The following FSIP2 variants were observed in gnomAD, a reference collection of about 807,000 sequenced individuals.
FSIP2 encodes the protein fibrous sheath interacting protein 2, also known as fibrous sheath-interacting protein 2.
In FSIP2, 367 loss-of-function variants were observed where a neutral mutation model predicts 510.5. That is an observed-to-expected ratio of 0.72 (90% CI 0.66 to 0.78). The LOEUF is 0.78. Among genes scored for constraint, FSIP2 ranks in the 30% least tolerant of loss-of-function variants. The pLI is 0.00. For missense variants in FSIP2, 7,594 were observed against 7,901.7 expected, an observed-to-expected ratio of 0.96 and a Z score of 1.48; for synonymous variants, 2,601 against 2,732.2, an observed-to-expected ratio of 0.95 and a Z score of 1.50.
intron 20 of FSIP2, 101 bp from the exon 21 acceptor site, chr2:185,828,055 G>T (rs1694046126): frequency 1.4e-6 from 1 of 715,560 alleles, no homozygotes; most frequent in African/African-American, 1.8e-5. Context: ...TAAACTATAT[G>T]ATTCTTTGGT....
In FSIP2 at chr2:185,789,832, C is replaced by T. The variant is rs1363077893; in HGVS notation, c.2696C>T (p.Ser899Phe). Residue 899 changes from serine (S) to phenylalanine (F), a missense_variant, in exon 16 of 23, where the codon TCT (serine) becomes TTT (phenylalanine). Physicochemically the swap from Ser to Phe is radical, Grantham distance 155. Coordinates refer to ENST00000424728, the MANE Select transcript of FSIP2 (RefSeq NM_173651.4). Reference protein sequence around the residue: ...QNLISNIFSQSSLVAYIEEAI... With the variant: ...QNLISNIFSQFSLVAYIEEAI... ...TTAATATCAAATATTTTTTCCCAGT[C>T]TTCTTTGGTTGCTTATATAGAGGAA... 6 of 1,532,660 alleles carry T rather than the reference C, an allele frequency of 3.9e-6. No homozygotes were observed. In the African/African-American group the frequency reaches 5.5e-5, roughly 14 times the overall value. The allele number at this position is 1,532,660 out of a possible 1,614,324, so 94.9% of individuals were successfully genotyped here.
Position 185,790,914 on chromosome 2 carries a change from A to G in FSIP2, c.3778A>G (p.Asn1260Asp). 6.5e-7 allele frequency: 1 copy of G among 1,527,358 alleles called. No individual in the cohort carries two copies. Among genetic ancestry groups the G allele is most frequent in the Non-Finnish European group, 8.7e-7 (1 of 1,143,548 alleles). The allele number at this position is 1,527,358 out of a possible 1,614,324, so 94.6% of individuals were successfully genotyped here. A position where few individuals can be genotyped will look rare whatever the true frequency, so the allele number is the denominator to read the frequency against. Residue 1260 changes from asparagine (N) to aspartate (D), a missense_variant, in exon 16 of 23, where the codon AAT (asparagine) becomes GAT (aspartate). Physicochemically the swap from Asn to Asp is conservative, Grantham distance 23 (BLOSUM62 1). Coordinates refer to ENST00000424728, the MANE Select transcript of FSIP2 (RefSeq NM_173651.4). ...TGAACCTAAACCTGTAGATGACATT[A>G]ATGATAAGATCATTCGTACAATTTT... ...KSEPKPVDDI[N>D]DKIIRTIFKR...
chr2:185,798,807 T>A (rs998358534), intron 16 of FSIP2, among the ~76,000 whole-genome samples: 1 of 151,842 alleles, frequency 6.6e-6, no homozygotes. Flanking sequence ...GCTCTAACAA[T>A]TCTATATTCC....
intron 22 of FSIP2, among the ~76,000 whole-genome samples, chr2:185,832,582 CTTT>C (rs930434028): frequency 5.9e-5 from 9 of 151,380 alleles, no homozygotes; most frequent in Admixed American, 6.6e-5. Context: ...AAAATTATTT[CTTT>C]ATGTATAAAA....
Position 185,791,459 on chromosome 2 carries a change from T to C in FSIP2, c.4323T>C (p.His1441=). 6 of 1,533,910 alleles carry C rather than the reference T, an allele frequency of 3.9e-6. No homozygotes were observed. The highest frequency in any genetic ancestry group is 5.2e-6 in the Non-Finnish European group (6 of 1,145,314). ...QVLERIGETL[H]EMLSKLLGTH... ...TAGAAAGAATTGGGGAAACACTACA[T>C]GAAATGTTAAGCAAGCTCCTGGGGA... The change falls in exon 16 of 23, where the codon CAT becomes CAC. Residue 1441 remains histidine (H), a synonymous_variant. Coordinates refer to ENST00000424728, the MANE Select transcript of FSIP2 (RefSeq NM_173651.4).
upstream of FSIP2, among the ~76,000 whole-genome samples, chr2:185,737,553 T>C (rs1046278942): frequency 1.3e-5 from 2 of 152,098 alleles, no homozygotes; most frequent in Admixed American, 1.3e-4. Context: ...ATAAAATTAG[T>C]GGGACTTGGG....
rs778336905 is a variant in FSIP2 at position 185,802,495 on chromosome 2, G to C, written c.13189G>C (p.Asp4397His). The change falls in exon 17 of 23, where the codon GAC becomes CAC. Residue 4397 changes from aspartate to histidine, a missense_variant. Physicochemically the swap from Asp to His is moderately conservative, Grantham distance 81 (BLOSUM62 -1). Coordinates refer to ENST00000424728, the MANE Select transcript of FSIP2 (RefSeq NM_173651.4). ...CCTTGCTGTTGATAAAGAGTCTGAA[G>C]ACAGTGGCATTTTTGTGGAAAATAT... ...LDLAVDKESE[D>H]SGIFVENITN... 5.9e-6 allele frequency: 9 copies of C among 1,533,016 alleles called. No homozygotes were observed. In the South Asian group the frequency reaches 1.1e-4, roughly 18 times the overall value. The allele number at this position is 1,533,016 out of a possible 1,614,324, so 95.0% of individuals were successfully genotyped here.
rs972947583 is a variant in FSIP2 at position 185,790,081 on chromosome 2, G to C, written c.2945G>C (p.Ser982Thr). The part of the protein sequence containing the change: ...YRLTGTRLSN[S>T]PRSGRPFPPI... ...CTCACTGGCACTAGATTATCAAATA[G>C]TCCTAGGTCTGGAAGACCATTTCCA... The change falls in exon 16 of 23, where the codon AGT (serine) becomes ACT (threonine). Residue 982 changes from serine to threonine, a missense_variant. Coordinates refer to ENST00000424728, the MANE Select transcript of FSIP2 (RefSeq NM_173651.4). 17 of 1,533,678 alleles carry C rather than the reference G, an allele frequency of 1.1e-5. No individual in the cohort carries two copies. Among genetic ancestry groups the C allele is most frequent in the Non-Finnish European group, 1.3e-5 (15 of 1,145,452 alleles).
rs146316781 is a variant in FSIP2 at position 185,768,892 on chromosome 2, T to C, written c.1411+4327T>C. The stretch of plus-strand genomic sequence containing the variant: ...GTGAGAACATGCGGATTTGGTTTTC[T>C]GTTCCTGTGTTAGTTTGCTAAGGAC... On this transcript the variant is annotated intron_variant, in intron 13 of 22. Coordinates refer to ENST00000424728, the MANE Select transcript of FSIP2 (RefSeq NM_173651.4). 4.1e-3 allele frequency among the ~76,000 whole-genome samples: 632 copies of C among 152,326 alleles called. 3 individuals carry two copies. Among genetic ancestry groups the C allele is most frequent in the African/African-American group, 0.014 (595 of 41,576 alleles).
In FSIP2 at chr2:185,806,053, T is replaced by A. The variant is rs16827154; in HGVS notation, c.16747T>A (p.Tyr5583Asn). 827,421 of 1,548,492 alleles carry A rather than the reference T, an allele frequency of 0.53. 223,261 individuals are homozygous for A. Among genetic ancestry groups the A allele is most frequent in the South Asian group, 0.63 (52,996 of 83,538 alleles). Residue 5583 changes from tyrosine to asparagine, a missense_variant, in exon 17 of 23, where the codon TAC (tyrosine) becomes AAC (asparagine). By Grantham distance (143) the Tyr-to-Asn change is moderately radical. Transcript: ENST00000424728. ...TAAAAAAGGGAAAGATGATGAGATA[T>A]ACACACATTTTTCATTAATAATTGA... is the stretch of plus-strand genomic sequence containing the variant. ...TDKKGKDDEI[Y>N]THFSLIIDDT...
At chr2:185,769,140 G>A (rs1559017670) in intron 13 of FSIP2, among the ~76,000 whole-genome samples, 1 of 152,018 alleles carries the variant, frequency 6.6e-6, no homozygotes, top group Non-Finnish European at 1.5e-5. Flanking sequence ...GGTTCCTTTG[G>A]GTATATAGCC....
rs770382805 is a variant in FSIP2 at position 185,794,342 on chromosome 2, T to A, written c.7206T>A (p.Asp2402Glu). ...IVDSMLKMLD[D>E]KRSVKEICFN... Reference sequence around the variant, plus strand: ...ACAGTATGTTAAAGATGTTAGATGATAAAAGATCTGTAAAGGAAATTTGTT... The same window carrying A: ...ACAGTATGTTAAAGATGTTAGATGAAAAAAGATCTGTAAAGGAAATTTGTT... The change falls in exon 16 of 23, where the codon GAT (aspartate) becomes GAA (glutamate). Residue 2402 changes from aspartate to glutamate, a missense_variant. Physicochemically the swap from Asp to Glu is conservative, Grantham distance 45 (BLOSUM62 2). Coordinates refer to ENST00000424728, the MANE Select transcript of FSIP2 (RefSeq NM_173651.4). The A allele has an allele frequency of 6.6e-7, 1 of 1,516,870 alleles. No individual in the cohort carries two copies. Among genetic ancestry groups the A allele is most frequent in the South Asian group, 1.2e-5 (1 of 80,114 alleles). 94.0% of individuals were successfully genotyped at this position (1,516,870 alleles called of 1,614,324 possible).
intron 14 of FSIP2, chr2:185,783,572 CTG>C (rs1692901175): frequency 1.3e-5 from 2 of 152,036 alleles, no homozygotes; most frequent in Admixed American, 6.6e-5. Flanking sequence ...TACTTTAAGA[CTG>C]ATAAATATCA....
At chr2:185,775,310 ATTTGCT>A (rs1209025394) in intron 13 of FSIP2, among the ~76,000 whole-genome samples, 1 of 149,798 alleles carries the variant, frequency 6.7e-6, no homozygotes, top group Non-Finnish European at 1.5e-5. Flanking sequence ...TGTGGTTTTG[ATTTGCT>A]TTTCTCTGAT....
intron 13 of FSIP2, among the ~76,000 whole-genome samples, chr2:185,772,868 T>C (rs757833164): frequency 1.1e-4 from 16 of 151,618 alleles, no homozygotes; most frequent in Non-Finnish European, 2.2e-4. Flanking sequence ...TTTTTGTTTT[T>C]TTCTTTTTCT....
At chr2:185,764,474 A>AT in intron 12 of FSIP2, 28 bp from the exon 13 acceptor site, 1 of 1,473,598 alleles carries the variant, frequency 6.8e-7, no homozygotes, top group Non-Finnish European at 9.1e-7. Flanking sequence ...TTGTGGATCT[A>AT]TTTGTTTTGC....
intron 7 of FSIP2, among the ~76,000 whole-genome samples, chr2:185,751,977 GATGTAA>G (rs1692157656): frequency 9.8e-6 from 1 of 102,434 alleles, no homozygotes; most frequent in Admixed American, 9.2e-5. Flanking sequence ...CTTTTATCCT[GATGTAA>G]ATAAGTCATA....
At position 185,805,707 on chromosome 2, in the gene FSIP2, T is replaced by C. The variant is rs374499774; in HGVS notation, c.16401T>C (p.Gly5467=). The C allele has an allele frequency of 3.1e-6, 5 of 1,607,212 alleles. No homozygotes were observed. Among genetic ancestry groups the C allele is most frequent in the Non-Finnish European group, 3.4e-6 (4 of 1,177,684 alleles). The change falls in exon 17 of 23, where the codon GGT becomes GGC. Residue 5467 remains glycine, a synonymous_variant. Transcript: ENST00000424728. The part of the protein sequence containing the change: ...NMMSTLEINR[G]TMNRKKSFKT... The stretch of plus-strand genomic sequence containing the variant: ...TGAGCACTTTGGAAATAAATAGAGG[T>C]ACAATGAATAGAAAGAAAAGTTTTA...
intron 20 of FSIP2, among the ~76,000 whole-genome samples, chr2:185,827,175 A>C (rs1032867314): frequency 6.6e-6 from 1 of 151,862 alleles, no homozygotes. Flanking sequence ...TTTTAGGAAT[A>C]TTATCAGCCA....
Sources: allele counts gnomAD v4.1 joint callset (sites outside exome capture counted in the v4.1 genomes callset), GRCh38; gene constraint gnomAD v4.1.1; transcripts MANE v1.5; gene names NCBI Gene and HGNC (gene_info 2026-07-23, HGNC 2026-07-21).